JMJD1C: variants seen among roughly 807,000 people sequenced by gnomAD.
JMJD1C encodes the protein jumonji domain-containing protein 1C.
Under a neutral mutation model 245.3 loss-of-function variants are expected in JMJD1C, and 31 were observed. The observed-to-expected ratio is 0.13, with a 90% CI of 0.09 to 0.17. The LOEUF (loss-of-function observed/expected upper bound fraction) is 0.17. JMJD1C is among the 10% of genes least tolerant of loss of function. JMJD1C has a pLI of 1.00. For missense variants in JMJD1C, 2,691 were observed against 3,000.2 expected, an observed-to-expected ratio of 0.90 and a Z score of 2.41; for synonymous variants, 1,057 against 1,017.4, an observed-to-expected ratio of 1.04 and a Z score of -0.74.
intron 2 of JMJD1C, among the ~76,000 whole-genome samples, chr10:63,304,425 A>C (rs1937722344): frequency 2.0e-5 from 3 of 152,188 alleles, no homozygotes; most frequent in Admixed American, 2.0e-4. Flanking sequence ...AAAACAAAGC[A>C]AAACAAAAAA....
rs548596934 is a variant in JMJD1C, at chr10:63,373,577, A to T, written c.333+6741T>A. Among the ~76,000 whole-genome samples, 15 of 152,326 alleles carry T rather than the reference A, an allele frequency of 9.8e-5. No homozygotes were observed. The South Asian group carries it at 2.7e-3, about 27-fold the overall frequency. ...CAAGTACCACACGAGGAGTGAAACA[A>T]CTAGAAAGAAGATAATAAATACAAA... On this transcript the variant is annotated intron_variant, in intron 2 of 25. Transcript: ENST00000399262.
chr10:63,287,421 C>T (rs1858118886), intron 2 of JMJD1C, among the ~76,000 whole-genome samples: 1 of 152,174 alleles, frequency 6.6e-6, no homozygotes, highest in Non-Finnish European at 1.5e-5. Context: ...AAATTAAAGA[C>T]ATACCATTCA....
intron 2 of JMJD1C, among the ~76,000 whole-genome samples, chr10:63,314,134 A>G (rs1221040986): frequency 6.6e-6 from 1 of 152,194 alleles, no homozygotes; most frequent in Non-Finnish European, 1.5e-5. Context: ...ATTCTTCTAC[A>G]TGTGACTTGC....
intron 1 of JMJD1C, among the ~76,000 whole-genome samples, chr10:63,400,360 G>GA (rs1376481959): frequency 6.6e-6 from 1 of 152,126 alleles, no homozygotes; most frequent in Non-Finnish European, 1.5e-5. Flanking sequence ...AACAACATGT[G>GA]AGTGTGTCCA....
upstream of JMJD1C, among the ~76,000 whole-genome samples, chr10:63,468,834 G>C (rs867701401): frequency 3.9e-5 from 6 of 152,194 alleles, no homozygotes; most frequent in South Asian, 2.1e-4. Flanking sequence ...AAACAGCTTG[G>C]GCTGGATGAT....
intron 2 of JMJD1C, among the ~76,000 whole-genome samples, chr10:63,311,456 C>T (rs1939188837): frequency 6.6e-6 from 1 of 152,016 alleles, no homozygotes; most frequent in South Asian, 2.1e-4. Context: ...CTCACGTGTC[C>T]ATCATGGAGA....
At chr10:63,394,228 C>CA (rs1367933546) in intron 1 of JMJD1C, among the ~76,000 whole-genome samples, 5 of 144,946 alleles carry the variant, frequency 3.4e-5, no homozygotes, top group East Asian at 2.0e-4. Context: ...TATATGGCAT[C>CA]AAAAAAAACT....
At chr10:63,507,739 T>G (rs944041184) in intron 1 of JMJD1C, among the ~76,000 whole-genome samples, 5 of 151,850 alleles carry the variant, frequency 3.3e-5, no homozygotes, top group Non-Finnish European at 5.9e-5. Flanking sequence ...CAGCATTTTG[T>G]GTCATCGGTG....
Position 63,234,493 on chromosome 10 carries a change from T to TAAAAAAAAAAAA in JMJD1C, c.448-14522_448-14511dup, listed in dbSNP as rs71025129. Reference sequence around the variant, plus strand: ...TCATCAACAGAGAGAAACCTCCTCTTAAAAAAAAAAAAAAAAAAAAAAAAA... The same window carrying TAAAAAAAAAAAA: ...TCATCAACAGAGAGAAACCTCCTCTTAAAAAAAAAAAAAAAAAAAAAAAAAAAAAAAAAAAAA... On this transcript the variant is annotated intron_variant, in intron 3 of 25. Transcript: ENST00000399262. Among the ~76,000 whole-genome samples, 88 of 37,022 alleles carry TAAAAAAAAAAAA rather than the reference T, an allele frequency of 2.4e-3. 3 individuals are homozygous for TAAAAAAAAAAAA. Among genetic ancestry groups the TAAAAAAAAAAAA allele is most frequent in the African/African-American group, 7.5e-3 (67 of 8,900 alleles). 24.3% of individuals were successfully genotyped at this position (37,022 alleles called of 152,430 possible).
chr10:63,171,544 T>C (rs2132749637), intron 24 of JMJD1C, among the ~76,000 whole-genome samples: 1 of 152,350 alleles, frequency 6.6e-6, no homozygotes, highest in South Asian at 2.1e-4. Flanking sequence ...TCATGCAGAA[T>C]CACTTGGTTG....
intron 1 of JMJD1C, among the ~76,000 whole-genome samples, chr10:63,413,424 G>T (rs1949605807): frequency 6.6e-6 from 1 of 152,128 alleles, no homozygotes; most frequent in Non-Finnish European, 1.5e-5. Context: ...AATATGTGTA[G>T]ATTTTAAGAC....
In JMJD1C at chr10:63,193,128, G is replaced by A. The variant is rs901243467; in HGVS notation, c.5886C>T (p.His1962=). 5 of 1,613,020 alleles carry A rather than the reference G, an allele frequency of 3.1e-6. No individual in the cohort carries two copies. The highest frequency in any genetic ancestry group is 4.2e-6 in the Non-Finnish European group (5 of 1,179,404). Residue 1962 remains histidine (H), a synonymous_variant, in exon 16 of 26, where the codon CAC becomes CAT. Transcript: ENST00000399262. ...VSQVLQNVLN[H]SNKISLCMPE... ...GCATGCACAGAGAAATTTTATTACT[G>A]TGATTAAGAACATTCTGTAAAACCT...
chr10:63,465,668 TCGCTGCCGAAGCGGC>T lies in JMJD1C; in HGVS notation c.-21_-7del, dbSNP rs1424126764. On this transcript the variant is annotated 5_prime_UTR_variant, in exon 1 of 26. Coordinates refer to ENST00000399262, the MANE Select transcript of JMJD1C (RefSeq NM_032776.3). ...GCCCGCGTCTCTACCGCCATAGCTG[TCGCTGCCGAAGCGGC>T]CGCTGCCTCCTCCAGTGCGAGGGAA... The T allele has an allele frequency of 1.2e-6, 2 of 1,607,630 alleles. No individual in the cohort carries two copies. Among genetic ancestry groups the T allele is most frequent in the Middle Eastern group, 1.6e-4 (1 of 6,062 alleles).
At chr10:63,179,566 A>T (rs1243244472) in intron 22 of JMJD1C, among the ~76,000 whole-genome samples, 2 of 152,052 alleles carry the variant, frequency 1.3e-5, no homozygotes, top group Non-Finnish European at 1.5e-5. Context: ...TGAGCCCAGG[A>T]GTTTGAGACC....
intron 1 of JMJD1C, among the ~76,000 whole-genome samples, chr10:63,438,008 G>C (rs772842901): frequency 1.7e-4 from 26 of 151,998 alleles, no homozygotes; most frequent in African/African-American, 2.4e-5. Context: ...AACTCATTCA[G>C]TCTGATAGCT....
chr10:63,196,932 G>A (rs973279387), intron 13 of JMJD1C, among the ~76,000 whole-genome samples: 10 of 152,010 alleles, frequency 6.6e-5, no homozygotes, highest in African/African-American at 2.4e-4. Flanking sequence ...AGGTAATTGG[G>A]ACTACAGGAA....
At chr10:63,357,830 C>CAG (rs1407819046) in intron 2 of JMJD1C, among the ~76,000 whole-genome samples, 2 of 21,560 alleles carry the variant, frequency 9.3e-5, no homozygotes, top group African/African-American at 1.2e-4. Context: ...CAGACAGACA[C>CAG]ACACACACAC....
intron 3 of JMJD1C, among the ~76,000 whole-genome samples, chr10:63,239,735 G>A (rs570122077): frequency 9.2e-5 from 14 of 152,242 alleles, no homozygotes; most frequent in Admixed American, 3.9e-4. Context: ...GTGAGCCACC[G>A]CTCCTGGCCC....
intron 2 of JMJD1C, among the ~76,000 whole-genome samples, chr10:63,302,377 C>A (rs557421104): frequency 1.3e-5 from 2 of 152,228 alleles, no homozygotes; most frequent in South Asian, 4.1e-4. Flanking sequence ...ATACTCATAA[C>A]CAGCAATGAA....
Sources: gnomAD v4.1 joint callset for allele counts (sites outside exome capture counted in the v4.1 genomes callset) on GRCh38, gnomAD v4.1.1 for gene constraint, MANE v1.5 for transcripts, NCBI Gene and HGNC (gene_info 2026-07-23, HGNC 2026-07-21) for gene names.